Variants in GAS2 observed in about 807,000 individuals in gnomAD.
GAS2 encodes growth arrest specific 2, also known as growth arrest-specific protein 2.
GAS2 carries 20 observed loss-of-function variants against 37.5 expected under a neutral mutation model. The ratio of observed to expected loss-of-function variants is 0.53; its 90% CI spans 0.37 to 0.77. The LOEUF is 0.77. GAS2 is among the 30% of genes least tolerant of loss of function. GAS2 has a pLI of 0.00. For synonymous variants in GAS2, 144 were observed against 132.2 expected (o/e 1.09, Z -0.61); for missense variants, 336 against 373.4 (o/e 0.90, Z 0.82).
upstream of GAS2, among the ~76,000 whole-genome samples, chr11:22,664,957 C>T (rs896248804): frequency 2.0e-5 from 3 of 151,536 alleles, no homozygotes; most frequent in South Asian, 2.1e-4. Context: ...TTTTTCTTTT[C>T]GCTCTTTCTG....
At chr11:22,669,401 A>T (rs1849114354) in intron 1 of GAS2, among the ~76,000 whole-genome samples, 1 of 152,206 alleles carries the variant, frequency 6.6e-6, no homozygotes, top group Non-Finnish European at 1.5e-5. Flanking sequence ...ACTTTAAAAT[A>T]TCCCTAACAA....
chr11:22,672,719 G>A (rs1379732485), intron 1 of GAS2: 1 of 152,008 alleles, frequency 6.6e-6, no homozygotes, highest in African/African-American at 2.4e-5. Flanking sequence ...TGAATCATGT[G>A]CTTATATGTA....
intron 7 of GAS2, among the ~76,000 whole-genome samples, chr11:22,800,422 C>A (rs1256811734): frequency 6.6e-6 from 1 of 152,066 alleles, no homozygotes; most frequent in East Asian, 1.9e-4. Flanking sequence ...AAACACTAGA[C>A]AATGGAGAGC....
intron 1 of GAS2, among the ~76,000 whole-genome samples, chr11:22,655,984 T>A (rs1336059314): frequency 6.6e-6 from 1 of 152,224 alleles, no homozygotes; most frequent in Admixed American, 6.5e-5. Flanking sequence ...TCTTCCACTG[T>A]TTCATAGAAA....
intron 3 of GAS2, among the ~76,000 whole-genome samples, chr11:22,709,766 G>A (rs2134073061): frequency 6.6e-6 from 1 of 152,258 alleles, no homozygotes; most frequent in East Asian, 1.9e-4. Flanking sequence ...CAATCCAAAT[G>A]TCCAACAACG....
At chr11:22,727,779 A>G (rs1360079640) in intron 4 of GAS2, among the ~76,000 whole-genome samples, 1 of 151,968 alleles carries the variant, frequency 6.6e-6, no homozygotes, top group Non-Finnish European at 1.5e-5. Flanking sequence ...CATAGATAAT[A>G]CCTGTTTTTC....
intron 7 of GAS2, among the ~76,000 whole-genome samples, chr11:22,756,423 T>C (rs1348677389): frequency 6.6e-6 from 1 of 152,174 alleles, no homozygotes; most frequent in Non-Finnish European, 1.5e-5. Flanking sequence ...GTGATGTTTT[T>C]TAAAAAAGCT....
At chr11:22,652,115 G>T (rs914688787) in intron 1 of GAS2, among the ~76,000 whole-genome samples, 3 of 152,284 alleles carry the variant, frequency 2.0e-5, no homozygotes, top group Middle Eastern at 3.4e-3. Context: ...TGTCCTTTCT[G>T]TTTGTTAGTT....
intron 7 of GAS2, among the ~76,000 whole-genome samples, chr11:22,800,613 T>C (rs1856619752): frequency 6.6e-6 from 1 of 152,062 alleles, no homozygotes; most frequent in Admixed American, 6.6e-5. Context: ...CAGATACTCC[T>C]GCTGCCCTCA....
At chr11:22,734,890 C>T (rs1188940211) in intron 4 of GAS2, among the ~76,000 whole-genome samples, 3 of 151,758 alleles carry the variant, frequency 2.0e-5, no homozygotes, top group African/African-American at 7.2e-5. Flanking sequence ...GTGCCACTAC[C>T]AAAGTCACCT....
intron 5 of GAS2, among the ~76,000 whole-genome samples, chr11:22,740,003 G>C (rs897339640): frequency 2.0e-5 from 3 of 151,884 alleles, no homozygotes; most frequent in Non-Finnish European, 4.4e-5. Context: ...ACGGTGATTA[G>C]GGAGCCCGCT....
chr11:22,749,049 A>G, intron 5 of GAS2, 71 bp from the exon 6 acceptor site: 1 of 1,390,464 alleles, frequency 7.2e-7, no homozygotes, highest in Non-Finnish European at 9.8e-7. Flanking sequence ...GGTGCTCATC[A>G]TCACATGTAA....
In GAS2 at chr11:22,687,309, G is replaced by A. The variant is rs191547830; in HGVS notation, c.267+1520G>A. ...AACACTGCACTCCAGCCTAGAAGAC[G>A]GAATGAGACCATTTCTCAAAAGTAA... On this transcript the variant is annotated intron_variant, in intron 3 of 7. Coordinates refer to ENST00000454584, the MANE Select transcript of GAS2 (RefSeq NM_001143830.3). 2.6e-5 allele frequency among the ~76,000 whole-genome samples: 4 copies of A among 152,152 alleles called. No individual in the cohort carries two copies. In the East Asian group the frequency reaches 5.8e-4, roughly 22 times the overall value.
Position 22,634,754 on chromosome 11 carries a change from A to G in GAS2, c.-21+8941A>G, listed in dbSNP as rs576902803. Among the ~76,000 whole-genome samples the G allele has an allele frequency of 3.3e-5, 5 of 152,256 alleles. 1 individual carries two copies. The highest frequency in any genetic ancestry group is 1.2e-4 in the African/African-American group (5 of 41,548). The stretch of plus-strand genomic sequence containing the variant: ...AGGACCTGTTCTCTAATCTCACAGT[A>G]GTGGGTACCAGCAGAAGTTCTGATG... On this transcript the variant is annotated intron_variant, in intron 1 of 5. Transcript: ENST00000528582.
At chr11:22,732,906 AACT>A (rs1035578250) in intron 4 of GAS2, among the ~76,000 whole-genome samples, 2 of 151,726 alleles carry the variant, frequency 1.3e-5, no homozygotes, top group East Asian at 1.9e-4. Context: ...TAGGAATTAT[AACT>A]ACTATTTATT....
chr11:22,810,290 T>C (rs1386480886), intron 7 of GAS2, among the ~76,000 whole-genome samples: 2 of 152,200 alleles, frequency 1.3e-5, no homozygotes, highest in Non-Finnish European at 2.9e-5. Flanking sequence ...TCACAACAGA[T>C]GAGGGGTCTC....
intron 1 of GAS2, among the ~76,000 whole-genome samples, chr11:22,633,350 T>G (rs540861549): frequency 6.6e-6 from 1 of 152,352 alleles, no homozygotes; most frequent in East Asian, 1.9e-4. Flanking sequence ...CTGTATGAAC[T>G]CCTTGGTGTG....
intron 7 of GAS2, among the ~76,000 whole-genome samples, chr11:22,767,534 T>C (rs1307560394): frequency 6.7e-6 from 1 of 149,476 alleles, no homozygotes; most frequent in Non-Finnish European, 1.5e-5. Context: ...TTATATGTTC[T>C]ATACTGATAT....
intron 7 of GAS2, among the ~76,000 whole-genome samples, chr11:22,760,255 A>G (rs1481059672): frequency 6.6e-6 from 1 of 151,938 alleles, no homozygotes; most frequent in Non-Finnish European, 1.5e-5. Context: ...TGCTGGGATT[A>G]CAGGCATGAG....
Sources: gnomAD v4.1 joint callset for allele counts (sites outside exome capture counted in the v4.1 genomes callset) on GRCh38, gnomAD v4.1.1 for gene constraint, MANE v1.5 for transcripts, NCBI Gene and HGNC (gene_info 2026-07-23, HGNC 2026-07-21) for gene names.